The following ARMC2 variants were observed in gnomAD, a reference collection of about 807,000 sequenced individuals.
ARMC2 encodes the protein armadillo repeat containing 2, also known as armadillo repeat-containing protein 2.
Under a neutral mutation model 90.3 loss-of-function variants are expected in ARMC2, and 67 were observed. The observed-to-expected ratio is 0.74, with a 90% confidence interval of 0.61 to 0.91. The LOEUF is 0.91. Ranked by LOEUF, ARMC2 falls within the 40% of genes least tolerant of loss-of-function variation. The pLI is 0.00. For missense variants in ARMC2, 920 were observed against 1,030.9 expected (o/e 0.89, Z 1.47); for synonymous variants, 393 against 393.0 (o/e 1.00, Z 0.00).
chr6:108,904,344 G>A lies in ARMC2; in HGVS notation c.962G>A (p.Cys321Tyr). 1 of 1,613,370 alleles carries A rather than the reference G, an allele frequency of 6.2e-7. No homozygotes were observed. The highest frequency in any genetic ancestry group is 8.5e-7 in the Non-Finnish European group (1 of 1,179,742). Reference sequence around the variant, plus strand: ...AGAAGTATTCTCCTGAAGACCCTGTGTAAACTAGTTGATGTTGGTTCAGAC... The same window carrying A: ...AGAAGTATTCTCCTGAAGACCCTGTATAAACTAGTTGATGTTGGTTCAGAC... Reference protein sequence around the residue: ...KGRSILLKTLCKLVDVGSDSL... With the variant: ...KGRSILLKTLYKLVDVGSDSL... Residue 321 changes from cysteine (C) to tyrosine (Y), a missense_variant, in exon 8 of 18, where the codon TGT becomes TAT. Cys to Tyr is a radical substitution (Grantham distance 194). Transcript: ENST00000392644.
intron 2 of ARMC2, 32 bp downstream of exon 2, chr6:108,854,517 G>C (rs755542848): frequency 1.6e-5 from 26 of 1,591,042 alleles, no homozygotes; most frequent in Non-Finnish European, 2.2e-5. Flanking sequence ...TGTTCATTCA[G>C]ATATTTAAGC....
chr6:108,861,258 G>A (rs1775209081), intron 3 of ARMC2, among the ~76,000 whole-genome samples: 1 of 152,328 alleles, frequency 6.6e-6, no homozygotes, highest in East Asian at 1.9e-4. Flanking sequence ...CTGTTACTCT[G>A]TGTTTGTGTG....
intron 10 of ARMC2, among the ~76,000 whole-genome samples, chr6:108,916,985 C>T (rs552602277): frequency 6.6e-6 from 1 of 152,284 alleles, no homozygotes; most frequent in South Asian, 2.1e-4. Flanking sequence ...TGAAGGAAAT[C>T]TCAATGTACT....
At chr6:109,013,435 T>A in the ARMC2 span, among the ~76,000 whole-genome samples, 5 of 152,018 alleles carry the variant, frequency 3.3e-5, no homozygotes, top group African/African-American at 1.2e-4. Context: ...AAACTCTTGT[T>A]TTTGAAATTT....
chr6:108,929,508 T>A (rs1775357975), intron 11 of ARMC2, among the ~76,000 whole-genome samples: 1 of 152,170 alleles, frequency 6.6e-6, no homozygotes, highest in Non-Finnish European at 1.5e-5. Context: ...GGGGTCTCGC[T>A]TTGTCACCCA....
intron 3 of ARMC2, among the ~76,000 whole-genome samples, chr6:108,862,449 G>A (rs1272099379): frequency 1.3e-5 from 2 of 152,040 alleles, no homozygotes; most frequent in African/African-American, 4.8e-5. Flanking sequence ...TGAGATTGTG[G>A]TCGTTGATGT....
intron 11 of ARMC2, among the ~76,000 whole-genome samples, chr6:108,930,261 A>G (rs1775425232): frequency 6.6e-6 from 1 of 152,190 alleles, no homozygotes. Flanking sequence ...CAGGAAGGAT[A>G]TCCAAGAATC....
At chr6:109,010,254 G>A in the ARMC2 span, among the ~76,000 whole-genome samples, 1 of 152,052 alleles carries the variant, frequency 6.6e-6, no homozygotes, top group East Asian at 1.9e-4. Flanking sequence ...GAGGAACTTG[G>A]GAAAATACAG....
At chr6:108,966,462 C>T (rs186136237) in intron 17 of ARMC2, among the ~76,000 whole-genome samples, 15 of 152,264 alleles carry the variant, frequency 9.9e-5, no homozygotes, top group African/African-American at 3.4e-4. Context: ...GGCTGACGTG[C>T]TCTGGAAACT....
intron 5 of ARMC2, among the ~76,000 whole-genome samples, chr6:108,887,904 G>A (rs566815579): frequency 3.6e-4 from 55 of 152,248 alleles, no homozygotes; most frequent in African/African-American, 1.2e-3. Flanking sequence ...TGCCAAATGC[G>A]GCACTGTGGA....
At chr6:108,929,488 T>C (rs1355091601) in intron 11 of ARMC2, among the ~76,000 whole-genome samples, 1 of 152,158 alleles carries the variant, frequency 6.6e-6, no homozygotes, top group African/African-American at 2.4e-5. Flanking sequence ...TCACTTTTTG[T>C]TGTTGAGATG....
the ARMC2 span, among the ~76,000 whole-genome samples, chr6:108,981,958 G>C: frequency 6.6e-5 from 10 of 152,084 alleles, no homozygotes; most frequent in African/African-American, 2.4e-4. Context: ...TGAGCCACCT[G>C]TGCCCTGCTG....
chr6:108,867,865 C>T (rs540139913), intron 3 of ARMC2, among the ~76,000 whole-genome samples: 141 of 151,992 alleles, frequency 9.3e-4, no homozygotes, highest in Non-Finnish European at 1.6e-3. Context: ...ATCCGGAAGG[C>T]GGAGGTTGCA....
downstream of ARMC2, among the ~76,000 whole-genome samples, chr6:108,977,876 G>A (rs192638691): frequency 1.9e-4 from 29 of 152,182 alleles, no homozygotes; most frequent in African/African-American, 7.0e-4. Context: ...GCGTCTATTT[G>A]ATTCTTCTCT....
chr6:108,854,928 T>C (rs1276267647), intron 2 of ARMC2, among the ~76,000 whole-genome samples: 1 of 152,242 alleles, frequency 6.6e-6, no homozygotes, highest in Non-Finnish European at 1.5e-5. Context: ...CAACCACTGA[T>C]CTTTTTACTG....
At chr6:108,921,826 A>C (rs1774603177) in intron 10 of ARMC2, among the ~76,000 whole-genome samples, 1 of 152,238 alleles carries the variant, frequency 6.6e-6, no homozygotes, top group Non-Finnish European at 1.5e-5. Context: ...ACAATTTTGC[A>C]GTTGGCAGTT....
chr6:108,937,975 T>C (rs554681397), intron 12 of ARMC2, among the ~76,000 whole-genome samples: 149 of 152,312 alleles, frequency 9.8e-4, no homozygotes, highest in South Asian at 3.1e-3. Context: ...GCTGGGATTA[T>C]AGGCGTGAGC....
chr6:108,985,648 G>A, the ARMC2 span, among the ~76,000 whole-genome samples: 4 of 152,104 alleles, frequency 2.6e-5, no homozygotes, highest in Non-Finnish European at 4.4e-5. Flanking sequence ...ATGCATTCTA[G>A]TTGATCTTGT....
downstream of ARMC2, among the ~76,000 whole-genome samples, chr6:108,975,032 G>C (rs1372905819): frequency 1.3e-5 from 2 of 151,132 alleles, no homozygotes; most frequent in African/African-American, 2.4e-5. Context: ...TATACTTTAA[G>C]TTCTGGGGTA....
Sources: gnomAD v4.1 joint callset for allele counts (sites outside exome capture counted in the v4.1 genomes callset) on GRCh38, gnomAD v4.1.1 for gene constraint, MANE v1.5 for transcripts, NCBI Gene and HGNC (gene_info 2026-07-23, HGNC 2026-07-21) for gene names.